Variants in CDH2 observed in about 807,000 individuals in gnomAD.
CDH2 encodes cadherin 2.
A neutral mutation model predicts 92.0 loss-of-function variants in CDH2; 17 were observed. That is an observed-to-expected ratio of 0.18 (90% CI 0.13 to 0.28). The LOEUF is 0.28. CDH2 is among the 10% of genes least tolerant of loss of function. The probability of loss-of-function intolerance (pLI) is 1.00; values close to 1 mark genes in which losing one functional copy is unlikely to be tolerated. For synonymous variants in CDH2, 419 were observed against 415.9 expected (o/e 1.01, Z -0.09); for missense variants, 862 against 1,133.1 (o/e 0.76, Z 3.44).
At chr18:28,117,202 A>T (rs2144264760) in intron 2 of CDH2, among the ~76,000 whole-genome samples, 1 of 152,292 alleles carries the variant, frequency 6.6e-6, no homozygotes, top group East Asian at 1.9e-4. Flanking sequence ...GTAAAAAAAC[A>T]AATTGCTCTA....
At chr18:28,008,664 C>G (rs1054226892) in intron 5 of CDH2, among the ~76,000 whole-genome samples, 4 of 151,530 alleles carry the variant, frequency 2.6e-5, no homozygotes, top group African/African-American at 7.3e-5. Context: ...TTGATGGGTG[C>G]AGCACACCAA....
At position 28,122,481 on chromosome 18, in the gene CDH2, A is replaced by G. The variant is rs971027671; in HGVS notation, c.172+25192T>C. ...AAAAATCACATTTTACGCTATTAGCAAAGTCAACATAAATTAAGTTAGCTA... is the reference window on the plus strand; with the variant it reads ...AAAAATCACATTTTACGCTATTAGCGAAGTCAACATAAATTAAGTTAGCTA... On this transcript the variant is annotated intron_variant, in intron 2 of 15. Transcript: ENST00000269141. 2.0e-5 allele frequency among the ~76,000 whole-genome samples: 3 copies of G among 152,290 alleles called. No homozygotes were observed. In the South Asian group the frequency reaches 6.2e-4, roughly 32 times the overall value.
At chr18:28,060,266 ACT>A (rs1310257893) in intron 2 of CDH2, among the ~76,000 whole-genome samples, 3 of 151,894 alleles carry the variant, frequency 2.0e-5, no homozygotes, top group Non-Finnish European at 4.4e-5. Context: ...GGTTCACTGC[ACT>A]CTCTGCCTCC....
chr18:27,975,092 G>C (rs1036938065), intron 14 of CDH2, among the ~76,000 whole-genome samples: 1 of 152,174 alleles, frequency 6.6e-6, no homozygotes, highest in African/African-American at 2.4e-5. Flanking sequence ...TCTCAGTCCT[G>C]GAATGGGAAA....
At chr18:27,998,944 C>A (rs1277363837) in intron 7 of CDH2, among the ~76,000 whole-genome samples, 1 of 152,166 alleles carries the variant, frequency 6.6e-6, no homozygotes, top group Admixed American at 6.5e-5. Flanking sequence ...CATTTCTTTA[C>A]AATTCATGTT....
intron 6 of CDH2, among the ~76,000 whole-genome samples, chr18:28,003,459 A>C (rs796274563): frequency 5.3e-5 from 8 of 152,320 alleles, no homozygotes; most frequent in African/African-American, 1.7e-4. Flanking sequence ...AAAAAGGTTC[A>C]TTTTAGACCT....
chr18:28,104,361 G>C (rs1358136123), intron 2 of CDH2, among the ~76,000 whole-genome samples: 2 of 152,052 alleles, frequency 1.3e-5, no homozygotes, highest in African/African-American at 4.8e-5. Flanking sequence ...CAGGAAAATG[G>C]AGATTGTTGT....
intron 7 of CDH2, among the ~76,000 whole-genome samples, chr18:27,996,130 C>T (rs28365282): frequency 2.6e-5 from 4 of 151,966 alleles, no homozygotes; most frequent in East Asian, 3.9e-4. Flanking sequence ...CTTCCCTCTC[C>T]GAAACTCGCC....
At chr18:28,103,480 TACACAC>T (rs58340426) in intron 2 of CDH2, among the ~76,000 whole-genome samples, 9 of 146,618 alleles carry the variant, frequency 6.1e-5, no homozygotes, top group Non-Finnish European at 1.3e-4. Flanking sequence ...TGTATATATA[TACACAC>T]ACACACACAC....
At chr18:28,045,285 T>C (rs1241589893) in intron 2 of CDH2, 2 of 367,368 alleles carry the variant, frequency 5.4e-6, no homozygotes, top group South Asian at 2.3e-5. Context: ...ACTGAGCTAG[T>C]TTGTCCTTGT....
At chr18:27,935,458 T>C (rs967474005) in intron 6 of CDH2, among the ~76,000 whole-genome samples, 3 of 152,188 alleles carry the variant, frequency 2.0e-5, no homozygotes, top group African/African-American at 7.2e-5. Context: ...ACCCTCATGA[T>C]ACAATCATCT....
At chr18:28,170,634 C>T (rs1433878756) in intron 1 of CDH2, among the ~76,000 whole-genome samples, 1 of 152,168 alleles carries the variant, frequency 6.6e-6, no homozygotes, top group African/African-American at 2.4e-5. Flanking sequence ...CATCAGCCAC[C>T]ATGCCTGGCC....
At chr18:28,114,246 A>G (rs1188873841) in intron 2 of CDH2, among the ~76,000 whole-genome samples, 1 of 152,172 alleles carries the variant, frequency 6.6e-6, no homozygotes, top group Non-Finnish European at 1.5e-5. Context: ...GTGCTAATGA[A>G]TATGCTAATT....
At chr18:27,992,548 T>C in intron 9 of CDH2, 107 bp downstream of exon 9, 1 of 912,486 alleles carries the variant, frequency 1.1e-6, no homozygotes, top group Non-Finnish European at 1.7e-6. Context: ...TGGAGATGTC[T>C]GAAAGAAAAA....
At chr18:28,118,190 T>A (rs2015527638) in intron 2 of CDH2, among the ~76,000 whole-genome samples, 1 of 151,990 alleles carries the variant, frequency 6.6e-6, no homozygotes, top group South Asian at 2.1e-4. Context: ...TAATTAATAT[T>A]CACATACACC....
intron 1 of CDH2, among the ~76,000 whole-genome samples, chr18:28,175,950 A>G (rs936928874): frequency 1.3e-5 from 2 of 152,162 alleles, no homozygotes; most frequent in Non-Finnish European, 2.9e-5. Context: ...GGCTGTGTGA[A>G]GTGGCCTCCA....
chr18:27,967,509 A>G (rs1449249380), intron 14 of CDH2, among the ~76,000 whole-genome samples: 2 of 152,198 alleles, frequency 1.3e-5, no homozygotes, highest in Non-Finnish European at 2.9e-5. Flanking sequence ...AACAATCCAA[A>G]AAGACATCTT....
chr18:28,013,945 T>C (rs545599160), intron 2 of CDH2, 36 bp from the exon 3 acceptor site: 1 of 1,534,952 alleles, frequency 6.5e-7, no homozygotes, highest in East Asian at 2.3e-5. Context: ...TTATTATAAT[T>C]ATACCAAAAA....
chr18:27,966,173 G>A (rs2011531042), intron 14 of CDH2, among the ~76,000 whole-genome samples: 2 of 152,018 alleles, frequency 1.3e-5, no homozygotes, highest in Admixed American at 6.6e-5. Flanking sequence ...CCTTAAAATG[G>A]GGGAAAATAG....
Sources: gnomAD v4.1 joint callset for allele counts (sites outside exome capture counted in the v4.1 genomes callset) on GRCh38, gnomAD v4.1.1 for gene constraint, MANE v1.5 for transcripts, NCBI Gene and HGNC (gene_info 2026-07-23, HGNC 2026-07-21) for gene names.